The following NCR2 variants were observed in gnomAD, a reference collection of about 807,000 sequenced individuals.
The protein encoded by NCR2 is NK cell activating receptor (NKp44).
In NCR2, 35 loss-of-function variants were observed where a neutral mutation model predicts 30.7. The observed-to-expected ratio is 1.14, with a 90% CI of 0.87 to 1.51. The LOEUF is 1.51. NCR2 is among the 40% of genes most tolerant of loss of function. The pLI is 0.00. For synonymous variants in NCR2, 146 were observed against 134.8 expected (o/e 1.08, Z -0.58); for missense variants, 316 against 328.9 (o/e 0.96, Z 0.30).
intron 2 of NCR2, among the ~76,000 whole-genome samples, chr6:41,340,794 C>G (rs1373056536): frequency 6.6e-6 from 1 of 152,146 alleles, no homozygotes; most frequent in African/African-American, 2.4e-5. Flanking sequence ...TCCCAAACAC[C>G]TCTCCCAGGC....
chr6:41,347,040 T>C (rs1242031886), intron 4 of NCR2, among the ~76,000 whole-genome samples: 1 of 152,112 alleles, frequency 6.6e-6, no homozygotes, highest in South Asian at 2.1e-4. Context: ...CCAAATACCA[T>C]CTTCTCTTGT....
chr6:41,336,574 C>T (rs1029684739), intron 2 of NCR2, 146 bp downstream of exon 2: 54 of 649,286 alleles, frequency 8.3e-5, no homozygotes, highest in Non-Finnish European at 1.3e-4. Context: ...GCAGGGGGAA[C>T]TCATATGTGC....
intron 4 of NCR2, among the ~76,000 whole-genome samples, chr6:41,343,942 C>A (rs1375438063): frequency 6.6e-6 from 1 of 152,112 alleles, no homozygotes; most frequent in East Asian, 1.9e-4. Context: ...AATCCAGACG[C>A]CTGGGTCACC....
intron 4 of NCR2, among the ~76,000 whole-genome samples, chr6:41,348,952 C>A (rs6909316): frequency 0.026 from 3,990 of 151,870 alleles, 164 homozygotes; most frequent in African/African-American, 0.087. Flanking sequence ...ACTGAAAAAT[C>A]TATGAAGCAC....
At chr6:41,340,593 T>C (rs1769145317) in intron 2 of NCR2, among the ~76,000 whole-genome samples, 1 of 152,208 alleles carries the variant, frequency 6.6e-6, no homozygotes, top group Admixed American at 6.5e-5. Context: ...TCCTGTTCAA[T>C]GAGATGAGAC....
At position 41,342,214 on chromosome 6, in the gene NCR2, G is replaced by C; in HGVS notation, c.644+65G>C. 1.9e-6 allele frequency: 3 copies of C among 1,583,266 alleles called. 1 individual carries two copies. In the South Asian group the frequency reaches 3.3e-5, roughly 18 times the overall value. On this transcript the variant is annotated intron_variant, in intron 4 of 4. Coordinates refer to ENST00000373089, the MANE Select transcript of NCR2 (RefSeq NM_004828.4). ...GGGAACAGCTTCTGCCCAGGATAGA[G>C]GGTCAGAGGGGAATCGGCCAGAGAA...
At position 41,342,163 on chromosome 6, in the gene NCR2, G is replaced by A. The variant is rs1769191174; in HGVS notation, c.644+14G>A. 2 of 1,611,408 alleles carry A rather than the reference G, an allele frequency of 1.2e-6. No individual in the cohort carries two copies. The highest frequency in any genetic ancestry group is 1.7e-6 in the Non-Finnish European group (2 of 1,179,818). ...GCTCGTCTGGTGGTGAGTGTGGTGTGGGTTGAACTCGGGGAAAATGGAACA... is the reference window on the plus strand; with the variant it reads ...GCTCGTCTGGTGGTGAGTGTGGTGTAGGTTGAACTCGGGGAAAATGGAACA... On this transcript the variant is annotated intron_variant, in intron 4 of 4. Coordinates refer to ENST00000373089, the MANE Select transcript of NCR2 (RefSeq NM_004828.4).
intron 2 of NCR2, among the ~76,000 whole-genome samples, chr6:41,341,377 C>T (rs1206353618): frequency 6.6e-6 from 1 of 152,140 alleles, no homozygotes; most frequent in Non-Finnish European, 1.5e-5. Flanking sequence ...GGGCAGGGAT[C>T]TGAAAACTAC....
In NCR2 at chr6:41,336,146, G is replaced by C. The variant is rs750194089; in HGVS notation, c.112G>C (p.Val38Leu). ...AAGTGTGGCAGGGCAGACGCTAACC[G>C]TGAGATGCCAGTACCCGCCCACGGG... ...LQSVAGQTLT[V>L]RCQYPPTGSL... The change falls in exon 2 of 5, where the codon GTG becomes CTG. Residue 38 changes from valine (V) to leucine (L), a missense_variant. Physicochemically the swap from Val to Leu is conservative, Grantham distance 32. Transcript: ENST00000373089. 3.1e-6 allele frequency: 5 copies of C among 1,614,014 alleles called. No individual in the cohort carries two copies. The highest frequency in any genetic ancestry group is 3.3e-5 in the Admixed American group (2 of 60,012).
At chr6:41,342,975 G>GCCCAGGC in intron 4 of NCR2, 1 of 1,550,604 alleles carries the variant, frequency 6.4e-7, no homozygotes, top group South Asian at 1.2e-5. Context: ...ACCCAGCTCA[G>GCCCAGGC]CCCAGGCCCC....
intron 4 of NCR2, among the ~76,000 whole-genome samples, chr6:41,349,109 AT>A (rs940179649): frequency 2.7e-4 from 39 of 146,042 alleles, no homozygotes; most frequent in African/African-American, 9.1e-4. Flanking sequence ...TTATATTTTT[AT>A]TTTTTATATT....
At chr6:41,343,803 A>G (rs1769235453) in intron 4 of NCR2, among the ~76,000 whole-genome samples, 1 of 95,870 alleles carries the variant, frequency 1.0e-5, no homozygotes, top group Admixed American at 1.3e-4. Context: ...GGTGAGATAA[A>G]CAACTTGGTT....
intron 4 of NCR2, among the ~76,000 whole-genome samples, 182 bp downstream of exon 4, chr6:41,342,331 C>T (rs1236949416): frequency 2.6e-5 from 4 of 152,130 alleles, no homozygotes; most frequent in African/African-American, 9.7e-5. Context: ...CACCTTTGTC[C>T]TTCAGCTGCA....
rs1281845855 is a variant in NCR2 at position 41,342,077 on chromosome 6, T to C, written c.572T>C (p.Ile191Thr). Reference sequence around the variant, plus strand: ...CTCCGCCCTGGCCCTGCAGCCCCCATTGCCCTGGTGCCTGTGTTCTGTGGA... The same window carrying C: ...CTCCGCCCTGGCCCTGCAGCCCCCACTGCCCTGGTGCCTGTGTTCTGTGGA... ...STLRPGPAAP[I>T]ALVPVFCGLL... Residue 191 changes from isoleucine (I) to threonine (T), a missense_variant, in exon 4 of 5, where the codon ATT becomes ACT. Physicochemically the swap from Ile to Thr is moderately conservative, Grantham distance 89 (BLOSUM62 -1). Coordinates refer to ENST00000373089, the MANE Select transcript of NCR2 (RefSeq NM_004828.4). 3.1e-6 allele frequency: 5 copies of C among 1,613,754 alleles called. No homozygotes were observed. The highest frequency in any genetic ancestry group is 4.2e-6 in the Non-Finnish European group (5 of 1,180,008).
chr6:41,338,855 C>A (rs1436353606), intron 2 of NCR2, among the ~76,000 whole-genome samples: 1 of 152,144 alleles, frequency 6.6e-6, no homozygotes, highest in Non-Finnish European at 1.5e-5. Context: ...GTAAAGCAAA[C>A]GTTGTTCAGT....
Position 41,342,134 on chromosome 6 carries a change from C to A in NCR2, c.629C>A (p.Ala210Asp). ...LLVAKSLVLS[A>D]LLVWWGDIWW... ...GTAGCCAAGAGCCTGGTGCTGTCAG[C>A]CCTGCTCGTCTGGTGGTGAGTGTGG... The change falls in exon 4 of 5, where the codon GCC becomes GAC. Residue 210 changes from alanine (A) to aspartate (D), a missense_variant. Coordinates refer to ENST00000373089, the MANE Select transcript of NCR2 (RefSeq NM_004828.4). The A allele has an allele frequency of 6.2e-7, 1 of 1,613,086 alleles. No individual in the cohort carries two copies. Among genetic ancestry groups the A allele is most frequent in the African/African-American group, 1.3e-5 (1 of 75,040 alleles).
intron 2 of NCR2, among the ~76,000 whole-genome samples, chr6:41,338,602 CAATT>C (rs1184205296): frequency 6.6e-6 from 1 of 152,196 alleles, no homozygotes; most frequent in East Asian, 1.9e-4. Context: ...GTGTTTGTGA[CAATT>C]AAGCTAAAAG....
At chr6:41,336,571 G>T (rs756193777) in intron 2 of NCR2, 143 bp downstream of exon 2, 16 of 655,364 alleles carry the variant, frequency 2.4e-5, no homozygotes, top group Non-Finnish European at 4.2e-5. Flanking sequence ...GGTGCAGGGG[G>T]AACTCATATG....
At chr6:41,341,055 G>A (rs142851766) in intron 2 of NCR2, among the ~76,000 whole-genome samples, 2 of 152,084 alleles carry the variant, frequency 1.3e-5, no homozygotes, top group East Asian at 1.9e-4. Flanking sequence ...CTGCTAGGTC[G>A]AGACACTGAT....
Sources: gnomAD v4.1 joint callset for allele counts (sites outside exome capture counted in the v4.1 genomes callset) on GRCh38, gnomAD v4.1.1 for gene constraint, MANE v1.5 for transcripts, NCBI Gene and HGNC (gene_info 2026-07-23, HGNC 2026-07-21) for gene names.